The following DOCK5 variants were observed in gnomAD, a reference collection of about 807,000 sequenced individuals.
The protein encoded by DOCK5 is dedicator of cytokinesis protein 5.
In DOCK5, 142 loss-of-function variants were observed where a neutral mutation model predicts 251.8. That is an observed-to-expected ratio of 0.56 (90% CI 0.49 to 0.65). The LOEUF (loss-of-function observed/expected upper bound fraction) is 0.65. Ranked by LOEUF, DOCK5 falls within the 30% of genes least tolerant of loss-of-function variation. The pLI, the probability that DOCK5 is intolerant of heterozygous loss-of-function variation, is 0.00. For missense variants in DOCK5, 2,111 were observed against 2,312.3 expected (o/e 0.91, Z 1.79); for synonymous variants, 842 against 835.5 (o/e 1.01, Z -0.13).
intron 3 of DOCK5, among the ~76,000 whole-genome samples, chr8:25,274,959 C>A (rs1453915513): frequency 2.6e-5 from 4 of 152,122 alleles, no homozygotes; most frequent in Admixed American, 6.6e-5. Flanking sequence ...CTGGAACCAA[C>A]CCCTTGCATA....
At chr8:25,409,824 C>T (rs1211672452) in intron 50 of DOCK5, 5 of 231,110 alleles carry the variant, frequency 2.2e-5, no homozygotes. Context: ...CCAGCCTGGG[C>T]AACAGAGCGA....
chr8:25,261,082 A>G (rs1803565875), intron 2 of DOCK5, among the ~76,000 whole-genome samples: 2 of 151,988 alleles, frequency 1.3e-5, no homozygotes, highest in South Asian at 4.1e-4. Context: ...CCCAGAGAGA[A>G]TTTTCTAACC....
At chr8:25,237,154 C>T (rs1320282179) in intron 1 of DOCK5, among the ~76,000 whole-genome samples, 3 of 152,022 alleles carry the variant, frequency 2.0e-5, no homozygotes, top group African/African-American at 7.2e-5. Flanking sequence ...ATCACATGAG[C>T]CCAGGAGTTC....
chr8:25,365,142 C>T (rs534033874), intron 30 of DOCK5, among the ~76,000 whole-genome samples: 4 of 152,186 alleles, frequency 2.6e-5, no homozygotes, highest in Admixed American at 6.5e-5. Context: ...AATTGCAAAA[C>T]GGATGACCGC....
intron 37 of DOCK5, 35 bp from the exon 38 acceptor site, chr8:25,377,270 T>A: frequency 1.3e-6 from 2 of 1,571,838 alleles, no homozygotes; most frequent in Middle Eastern, 3.4e-4. Flanking sequence ...GAATATTTGT[T>A]GTATTAACCG....
Position 25,340,869 on chromosome 8 carries a change from C to G in DOCK5, c.2328-8C>G. 1 of 1,609,592 alleles carries G rather than the reference C, an allele frequency of 6.2e-7. No homozygotes were observed. Among genetic ancestry groups the G allele is most frequent in the Non-Finnish European group, 8.5e-7 (1 of 1,177,638 alleles). On this transcript the variant is annotated splice_polypyrimidine_tract_variant and splice_region_variant and intron_variant, in intron 22 of 51. Transcript: ENST00000276440. Reference sequence around the variant, plus strand: ...AAGTCCAACTGCTTTTGTCTTTTTCCTATTAAGATTTTATGGGCAGAGCAA... The same window carrying G: ...AAGTCCAACTGCTTTTGTCTTTTTCGTATTAAGATTTTATGGGCAGAGCAA...
intron 5 of DOCK5, among the ~76,000 whole-genome samples, chr8:25,279,483 T>TG (rs1352314330): frequency 4.2e-4 from 63 of 151,546 alleles, no homozygotes; most frequent in Admixed American, 9.9e-4. Flanking sequence ...TTTTTTTTTT[T>TG]TGAGACGGAG....
chr8:25,373,143 G>T (rs1329250639), intron 35 of DOCK5, among the ~76,000 whole-genome samples: 2 of 152,038 alleles, frequency 1.3e-5, no homozygotes, highest in Non-Finnish European at 2.9e-5. Flanking sequence ...GGGATTACAG[G>T]CACGCGCCAC....
intron 47 of DOCK5, among the ~76,000 whole-genome samples, chr8:25,403,004 G>A (rs1266430800): frequency 1.3e-5 from 2 of 152,306 alleles, no homozygotes; most frequent in South Asian, 2.1e-4. Context: ...TTCCTAGACA[G>A]CAAAGACTGT....
chr8:25,204,427 C>T (rs897694916), intron 1 of DOCK5, among the ~76,000 whole-genome samples: 4 of 152,088 alleles, frequency 2.6e-5, no homozygotes, highest in Non-Finnish European at 4.4e-5. Flanking sequence ...TTTCCATCTG[C>T]AAAACAGAGA....
At position 25,265,158 on chromosome 8, in the gene DOCK5, C is replaced by T. The variant is rs987218223; in HGVS notation, c.128-3687C>T. On this transcript the variant is annotated intron_variant, in intron 2 of 51. Transcript: ENST00000276440. ...GTAATTAATCTTGGCTACACATTAGCATCACCAGGGGACCTTTTAGAAGCA... is the reference window on the plus strand; with the variant it reads ...GTAATTAATCTTGGCTACACATTAGTATCACCAGGGGACCTTTTAGAAGCA... Among the ~76,000 whole-genome samples the T allele has an allele frequency of 9.9e-5, 15 of 151,960 alleles. 1 individual carries two copies. The highest frequency in any genetic ancestry group is 3.6e-4 in the African/African-American group (15 of 41,208).
At chr8:25,378,137 A>G (rs1057134889) in intron 38 of DOCK5, among the ~76,000 whole-genome samples, 6 of 152,172 alleles carry the variant, frequency 3.9e-5, no homozygotes, top group African/African-American at 1.2e-4. Flanking sequence ...TTGGGCTGAT[A>G]TCGCATGGCT....
rs752535812 is a variant in DOCK5, at chr8:25,310,441, C to A, written c.1227C>A (p.Asp409Glu). Reference sequence around the variant, plus strand: ...TATCCTTGAAGCTCTTGCCCGGTGACCTCACCCAGGTTCAGAAGAATTTTT... The same window carrying A: ...TATCCTTGAAGCTCTTGCCCGGTGAACTCACCCAGGTTCAGAAGAATTTTT... ...LWVSLKLLPGDLTQVQKNFSH... is the reference protein window; with the variant it reads ...LWVSLKLLPGELTQVQKNFSH... Residue 409 changes from aspartate to glutamate, a missense_variant, in exon 13 of 52, where the codon GAC becomes GAA. Transcript: ENST00000276440. 6.2e-7 allele frequency: 1 copy of A among 1,613,736 alleles called. No individual in the cohort carries two copies. The highest frequency in any genetic ancestry group is 1.1e-5 in the South Asian group (1 of 91,048).
In DOCK5 at chr8:25,403,702, C is replaced by T; in HGVS notation, c.5071C>T (p.Pro1691Ser). 6.2e-7 allele frequency: 1 copy of T among 1,613,924 alleles called. No individual in the cohort carries two copies. The highest frequency in any genetic ancestry group is 8.5e-7 in the Non-Finnish European group (1 of 1,179,854). The change falls in exon 48 of 52, where the codon CCT (proline) becomes TCT (serine). Residue 1691 changes from proline (P) to serine (S), a missense_variant. Coordinates refer to ENST00000276440, the MANE Select transcript of DOCK5 (RefSeq NM_024940.8). ...STSSNSSDNA[P>S]SRPGSDGSIL... ...CTCTTCAAACTCGTCTGACAATGCT[C>T]CTTCCAGACCGGGATCTGATGGGTA...
chr8:25,275,349 T>C, intron 3 of DOCK5, 37 bp from the exon 4 acceptor site: 1 of 1,561,488 alleles, frequency 6.4e-7, no homozygotes, highest in Non-Finnish European at 8.7e-7. Context: ...TTTGTTTTGT[T>C]TTTATGGCCA....
intron 34 of DOCK5, among the ~76,000 whole-genome samples, chr8:25,371,891 C>T (rs1800879544): frequency 7.2e-6 from 1 of 137,984 alleles, no homozygotes; most frequent in African/African-American, 2.6e-5. Flanking sequence ...TCCCTCTTTT[C>T]CCAGGTTTTC....
At chr8:25,306,204 A>G (rs1055921607) in intron 11 of DOCK5, among the ~76,000 whole-genome samples, 3 of 152,160 alleles carry the variant, frequency 2.0e-5, no homozygotes, top group Non-Finnish European at 4.4e-5. Flanking sequence ...AATAAAATGC[A>G]CTTACCTTGT....
At chr8:25,382,551 GT>G (rs547519425) in intron 39 of DOCK5, 122 bp from the exon 40 acceptor site, 2 of 766,766 alleles carry the variant, frequency 2.6e-6, no homozygotes, top group Non-Finnish European at 4.3e-6. Flanking sequence ...CCCATAGGGT[GT>G]TTTCCAAAGA....
Position 25,391,941 on chromosome 8 carries a change from G to A in DOCK5, c.4401G>A (p.Pro1467=), listed in dbSNP as rs35098407. The part of the protein sequence containing the change: ...NEVQQFRYSR[P]FRKGEKDPDN... ...TGCAGCAGTTCAGATACTCCCGGCC[G>A]TTCCGGAAAGGAGAAAAGGATCCAG... The change falls in exon 43 of 52, where the codon CCG becomes CCA. Residue 1467 remains proline, a synonymous_variant. Coordinates refer to ENST00000276440, the MANE Select transcript of DOCK5 (RefSeq NM_024940.8). 3,536 of 1,613,850 alleles carry A rather than the reference G, an allele frequency of 2.2e-3. 58 individuals carry two copies. In the African/African-American group the frequency reaches 0.038, roughly 17 times the overall value.
Sources: gnomAD v4.1 joint callset for allele counts (sites outside exome capture counted in the v4.1 genomes callset) on GRCh38, gnomAD v4.1.1 for gene constraint, MANE v1.5 for transcripts, NCBI Gene and HGNC (gene_info 2026-07-23, HGNC 2026-07-21) for gene names.